Variants in MICAL1 observed in about 807,000 individuals in gnomAD.
MICAL1 encodes the protein [F-actin]-monooxygenase MICAL1.
MICAL1 carries 95 observed loss-of-function variants against 131.8 expected under a neutral mutation model. The ratio of observed to expected loss-of-function variants is 0.72; its 90% CI spans 0.61 to 0.86. The LOEUF is 0.86. Among genes scored for constraint, MICAL1 ranks in the 40% least tolerant of loss-of-function variants. The probability of loss-of-function intolerance (pLI) is 0.00; values close to 1 mark genes in which losing one functional copy is unlikely to be tolerated. For synonymous variants in MICAL1, 546 were observed against 554.2 expected, an observed-to-expected ratio of 0.99 and a Z score of 0.21; for missense variants, 1,292 against 1,380.6, an observed-to-expected ratio of 0.94 and a Z score of 1.02.
rs773121939 is a variant in MICAL1 at position 109,450,532 on chromosome 6, A to T, written c.959T>A (p.Leu320Gln). Residue 320 changes from leucine to glutamine, a missense_variant, in exon 8 of 25, where the codon CTG (leucine) becomes CAG (glutamine). Transcript: ENST00000358807. Reference sequence around the variant, plus strand: ...CTCGGGCACCACATTGGCACTGCCCAGCAGCCGATTGGTGTCTGGCCAGTC... The same window carrying T: ...CTCGGGCACCACATTGGCACTGCCCTGCAGCCGATTGGTGTCTGGCCAGTC... ...RQDWPDTNRL[L>Q]GSANVVPEAL... 6.2e-7 allele frequency: 1 copy of T among 1,610,848 alleles called. No individual in the cohort carries two copies. Among genetic ancestry groups the T allele is most frequent in the Non-Finnish European group, 8.5e-7 (1 of 1,178,220 alleles).
Position 109,452,355 on chromosome 6 carries a change from T to C in MICAL1, c.723A>G (p.Thr241=). The change falls in exon 6 of 25, where the codon ACA becomes ACG. Residue 241 remains threonine (T), a synonymous_variant. Transcript: ENST00000358807. ...CGGTGCGTCCATTCACAAAGTTGGC[T>C]GTGATGCCAATGGCCAGTTTGCCTC... ...EMRGKLAIGI[T]ANFVNGRTVE... 1 of 1,614,194 alleles carries C rather than the reference T, an allele frequency of 6.2e-7. No individual in the cohort carries two copies. Among genetic ancestry groups the C allele is most frequent in the Non-Finnish European group, 8.5e-7 (1 of 1,180,042 alleles).
chr6:109,445,811 T>A lies in MICAL1; in HGVS notation c.2633A>T (p.Glu878Val). Residue 878 changes from glutamate (E) to valine (V), a missense_variant, in exon 20 of 25, where the codon GAG becomes GTG. Glu to Val is a moderately radical substitution (Grantham distance 121). Coordinates refer to ENST00000358807, the MANE Select transcript of MICAL1 (RefSeq NM_022765.4). ...GTCCAAAGGCACATCTTCTTCTTCCTCTTCACTGGAGAAGGGACTCTCTTT... is the reference window on the plus strand; with the variant it reads ...GTCCAAAGGCACATCTTCTTCTTCCACTTCACTGGAGAAGGGACTCTCTTT... ...EEKESPFSSE[E>V]EEEDVPLDSD... 6.2e-7 allele frequency: 1 copy of A among 1,611,734 alleles called. No homozygotes were observed.
rs1775627344 is a variant in MICAL1 at position 109,453,649 on chromosome 6, A to G, written c.455T>C (p.Leu152Pro). The G allele has an allele frequency of 1.9e-6, 3 of 1,603,662 alleles. No homozygotes were observed. The highest frequency in any genetic ancestry group is 2.3e-5 in the East Asian group (1 of 44,230). The change falls in exon 3 of 25, where the codon CTG becomes CCG. Residue 152 changes from leucine (L) to proline (P), a missense_variant. By Grantham distance (98) the Leu-to-Pro change is moderately conservative. Transcript: ENST00000358807. The stretch of plus-strand genomic sequence containing the variant: ...CACGTGGTGCTCACTGATGTGGTCC[A>G]GGGTGCCGGTGCAGAAGCGCCCGTA... ...KFYGRFCTGTLDHISIRQLQL... is the reference protein window; with the variant it reads ...KFYGRFCTGTPDHISIRQLQL...
rs201163092 is a variant in MICAL1 at position 109,453,778 on chromosome 6, C to G, written c.326G>C (p.Arg109Pro). The part of the protein sequence containing the change: ...VAVELALLGA[R>P]VVLVEKRTKF... ...GGTGCGCTTTTCCACCAGCACCACT[C>G]GGGCCCCCAGCAGCGCCAGCTCCAC... The change falls in exon 3 of 25, where the codon CGA (arginine) becomes CCA (proline). Residue 109 changes from arginine (R) to proline (P), a missense_variant. Coordinates refer to ENST00000358807, the MANE Select transcript of MICAL1 (RefSeq NM_022765.4). 6.2e-7 allele frequency: 1 copy of G among 1,613,704 alleles called. No homozygotes were observed. Among genetic ancestry groups the G allele is most frequent in the Admixed American group, 1.7e-5 (1 of 60,034 alleles).
chr6:109,444,963 C>G lies in MICAL1; in HGVS notation c.2914G>C (p.Gly972Arg). ...TTGTCAACGAGCTGTAGCAGCTGTC[C>G]TACCCATAGTTTCTTTTGCTGTTCT... ...SPEQQKKLWV[G>R]QLLQLVDKKN... Residue 972 changes from glycine to arginine, a missense_variant, in exon 23 of 25, where the codon GGA (glycine) becomes CGA (arginine). Transcript: ENST00000358807. 6.2e-7 allele frequency: 1 copy of G among 1,614,072 alleles called. No individual in the cohort carries two copies. The highest frequency in any genetic ancestry group is 8.5e-7 in the Non-Finnish European group (1 of 1,180,034).
chr6:109,449,266 C>G, intron 11 of MICAL1, 134 bp downstream of exon 11: 1 of 998,334 alleles, frequency 1.0e-6, no homozygotes, highest in Non-Finnish European at 1.6e-6. Flanking sequence ...AGGCCCCCAA[C>G]CAACCCACCA....
Position 109,445,781 on chromosome 6 carries a change from T to C in MICAL1, c.2663A>G (p.Asp888Gly). Reference sequence around the variant, plus strand: ...CGCTGGCCCACTCACCTGTTCCACATCTGAGTCCAAAGGCACATCTTCTTC... The same window carrying C: ...CGCTGGCCCACTCACCTGTTCCACACCTGAGTCCAAAGGCACATCTTCTTC... ...EEEEDVPLDS[D>G]VEQALQTFAK... Residue 888 changes from aspartate to glycine, a missense_variant, in exon 20 of 25, where the codon GAT becomes GGT. Physicochemically the swap from Asp to Gly is moderately conservative, Grantham distance 94 (BLOSUM62 -1). Coordinates refer to ENST00000358807, the MANE Select transcript of MICAL1 (RefSeq NM_022765.4). 1 of 1,611,130 alleles carries C rather than the reference T, an allele frequency of 6.2e-7. No homozygotes were observed.
At position 109,449,433 on chromosome 6, in the gene MICAL1, T is replaced by C. The variant is rs143348702; in HGVS notation, c.1483A>G (p.Asn495Asp). 790 of 1,614,224 alleles carry C rather than the reference T, an allele frequency of 4.9e-4. 1 individual carries two copies. Among genetic ancestry groups the C allele is most frequent in the Non-Finnish European group, 6.1e-4 (718 of 1,180,038 alleles). ...GGCATCCCTGTATCTGTCTTGTCGT[T>C]GTTCCTCTGCACAGGCTCCTTGGCT... is the stretch of plus-strand genomic sequence containing the variant. ...VLAKEPVQRN[N>D]DKTDTGMPAT... Residue 495 changes from asparagine to aspartate, a missense_variant, in exon 11 of 25, where the codon AAC (asparagine) becomes GAC (aspartate). Transcript: ENST00000358807.
exon 1 of MICAL1, chr6:109,465,695 T>A (rs1776017282): frequency 1.9e-6 from 3 of 1,602,036 alleles, no homozygotes; most frequent in Non-Finnish European, 2.5e-6. Context: ...TCTTGCTACC[T>A]GGATGGAGGG....
In MICAL1 at chr6:109,445,788, C is replaced by T. The variant is rs770881129; in HGVS notation, c.2656G>A (p.Asp886Asn). 1.7e-5 allele frequency: 28 copies of T among 1,611,480 alleles called. No homozygotes were observed. Among genetic ancestry groups the T allele is most frequent in the Middle Eastern group, 1.7e-4 (1 of 5,886 alleles). ...CCACTCACCTGTTCCACATCTGAGT[C>T]CAAAGGCACATCTTCTTCTTCCTCT... ...SEEEEEDVPL[D>N]SDVEQALQTF... Residue 886 changes from aspartate to asparagine, a missense_variant, in exon 20 of 25, where the codon GAC becomes AAC. By Grantham distance (23) the Asp-to-Asn change is conservative (BLOSUM62 1). Coordinates refer to ENST00000358807, the MANE Select transcript of MICAL1 (RefSeq NM_022765.4).
chr6:109,454,933 CA>C (rs1775686097), intron 1 of MICAL1: 1 of 152,262 alleles, frequency 6.6e-6, no homozygotes, highest in Admixed American at 6.5e-5. Flanking sequence ...GCACTGTGGT[CA>C]AAACACTTCC....
chr6:109,455,437 A>G lies in MICAL1; in HGVS notation c.-44+282T>C, dbSNP rs1453083086. On this transcript the variant is annotated intron_variant, in intron 1 of 24. Transcript: ENST00000358807. The surrounding 1 kb of genome is among the most constrained non-coding windows in gnomAD (Gnocchi z 4.7). ...AGGAAGACCTCGGCGAAAGGGGAGA[A>G]AGGAGCGACCCAGCCTGGAAACGCC... Among the ~76,000 whole-genome samples, 2 of 152,124 alleles carry G rather than the reference A, an allele frequency of 1.3e-5. No individual in the cohort carries two copies. Among genetic ancestry groups the G allele is most frequent in the Non-Finnish European group, 2.9e-5 (2 of 68,026 alleles).
rs1407214444 is a variant in MICAL1, at chr6:109,452,655, C to G, written c.572-40G>C. The G allele has an allele frequency of 2.0e-6, 3 of 1,504,974 alleles. No individual in the cohort carries two copies. In the East Asian group the frequency reaches 6.9e-5, roughly 34 times the overall value. 93.2% of individuals were successfully genotyped at this position (1,504,974 alleles called of 1,614,324 possible). ...ATGAGAGGCACAAAGGTGTAGAAGT[C>G]GTAAGAGCCCCTATACTCTCAGGAC... On this transcript the variant is annotated intron_variant, in intron 4 of 24. Coordinates refer to ENST00000358807, the MANE Select transcript of MICAL1 (RefSeq NM_022765.4).
chr6:109,449,417 G>T lies in MICAL1; in HGVS notation c.1499C>A (p.Thr500Lys), dbSNP rs764827532. 1 of 1,614,196 alleles carries T rather than the reference G, an allele frequency of 6.2e-7. No individual in the cohort carries two copies. Among genetic ancestry groups the T allele is most frequent in the South Asian group, 1.1e-5 (1 of 91,080 alleles). Reference protein sequence around the residue: ...PVQRNNDKTDTGMPATGSAGT... With the variant: ...PVQRNNDKTDKGMPATGSAGT... ...CTGCTCACCGGTGGCTGGCATCCCT[G>T]TATCTGTCTTGTCGTTGTTCCTCTG... Residue 500 changes from threonine to lysine, a missense_variant, in exon 11 of 25, where the codon ACA (threonine) becomes AAA (lysine). Transcript: ENST00000358807.
In MICAL1 at chr6:109,448,838, C is replaced by T. The variant is rs1402602983; in HGVS notation, c.1558G>A (p.Glu520Lys). 1 of 1,613,988 alleles carries T rather than the reference C, an allele frequency of 6.2e-7. No homozygotes were observed. Among genetic ancestry groups the T allele is most frequent in the Non-Finnish European group, 8.5e-7 (1 of 1,179,984 alleles). Residue 520 changes from glutamate (E) to lysine (K), a missense_variant, in exon 12 of 25, where the codon GAG (glutamate) becomes AAG (lysine). Glu to Lys is a moderately conservative substitution (Grantham distance 56). Transcript: ENST00000358807. Reference protein sequence around the residue: ...TQEELLRWCQEQTAGYPGVHV... With the variant: ...TQEELLRWCQKQTAGYPGVHV... ...ACTCCCGGGTACCCAGCTGTCTGCT[C>T]CTGGCACCAGCGTAGCAGCTCCTCC...
At chr6:109,462,202 A>G (rs965233652) in intron 1 of MICAL1, among the ~76,000 whole-genome samples, 4 of 152,230 alleles carry the variant, frequency 2.6e-5, no homozygotes, top group Non-Finnish European at 1.5e-5. Flanking sequence ...GACAGAGGGA[A>G]GGACATGTGA....
upstream of MICAL1, among the ~76,000 whole-genome samples, chr6:109,457,745 G>A (rs1775792610): frequency 6.6e-6 from 1 of 152,204 alleles, no homozygotes; most frequent in Non-Finnish European, 1.5e-5. Context: ...GGGTCATGTG[G>A]CTCTATGAAT....
intron 7 of MICAL1, 87 bp from the exon 8 acceptor site, chr6:109,450,644 C>G: frequency 7.0e-7 from 1 of 1,432,614 alleles, no homozygotes; most frequent in Non-Finnish European, 9.3e-7. Context: ...AGAAGGTGCA[C>G]ATCCTGGGGC....
rs762710541 is a variant in MICAL1 at position 109,448,790 on chromosome 6, A to G, written c.1606T>C (p.Ser536Pro). The G allele has an allele frequency of 4.3e-6, 7 of 1,613,990 alleles. No individual in the cohort carries two copies. The highest frequency in any genetic ancestry group is 5.9e-6 in the Non-Finnish European group (7 of 1,180,018). ...CACAGAGCTAGCCCATCAGCCCAGG[A>G]GGAAGACAAATCGGAGACGTGGACT... ...PGVHVSDLSS[S>P]WADGLALCAL... The change falls in exon 12 of 25, where the codon TCC (serine) becomes CCC (proline). Residue 536 changes from serine (S) to proline (P), a missense_variant. By Grantham distance (74) the Ser-to-Pro change is moderately conservative. Transcript: ENST00000358807.
Sources: allele counts gnomAD v4.1 joint callset (sites outside exome capture counted in the v4.1 genomes callset), GRCh38; gene constraint gnomAD v4.1.1; non-coding constraint Gnocchi (gnomAD v3.1); transcripts MANE v1.5; gene names NCBI Gene and HGNC (gene_info 2026-07-23, HGNC 2026-07-21).